The following P4HA1 variants were observed in gnomAD, a reference collection of about 807,000 sequenced individuals.
P4HA1 encodes the protein prolyl 4-hydroxylase subunit alpha 1.
P4HA1 carries 24 observed loss-of-function variants against 72.8 expected under a neutral mutation model. The ratio of observed to expected loss-of-function variants is 0.33; its 90% CI spans 0.24 to 0.46. The LOEUF (loss-of-function observed/expected upper bound fraction) is 0.46. P4HA1 is among the 20% of genes least tolerant of loss of function. P4HA1 has a pLI of 1.00. For missense variants in P4HA1, 446 were observed against 640.6 expected (o/e 0.70, Z 3.28); for synonymous variants, 201 against 218.8 (o/e 0.92, Z 0.72).
intron 1 of P4HA1, among the ~76,000 whole-genome samples, chr10:73,078,600 ATTTTTTTT>A (rs770821126): frequency 3.0e-5 from 3 of 99,630 alleles, no homozygotes; most frequent in African/African-American, 1.4e-4. Flanking sequence ...GCAGTAGGTA[ATTTTTTTT>A]TTTTTTTTTT....
At chr10:73,041,733 C>T (rs768574356) in intron 9 of P4HA1, among the ~76,000 whole-genome samples, 12 of 152,026 alleles carry the variant, frequency 7.9e-5, no homozygotes, top group Admixed American at 4.6e-4. Context: ...AGATCATATC[C>T]CCTTTGTTCA....
At chr10:73,056,780 G>C (rs1841156832) in intron 5 of P4HA1, among the ~76,000 whole-genome samples, 1 of 152,190 alleles carries the variant, frequency 6.6e-6, no homozygotes, top group Admixed American at 6.5e-5. Context: ...TGTAGATTAA[G>C]GCCGAGTGCG....
intron 10 of P4HA1, among the ~76,000 whole-genome samples, chr10:73,025,330 G>A (rs1367758019): frequency 6.6e-6 from 1 of 152,130 alleles, no homozygotes. Flanking sequence ...ATCAATAAAC[G>A]TAATCCATCA....
intron 9 of P4HA1, among the ~76,000 whole-genome samples, chr10:73,038,693 C>G (rs1366741668): frequency 1.1e-5 from 1 of 93,724 alleles, no homozygotes; most frequent in Non-Finnish European, 1.8e-5. Context: ...GTGGCGGGAT[C>G]TCGGCTCACT....
intron 1 of P4HA1, among the ~76,000 whole-genome samples, chr10:73,085,383 A>G (rs1036741534): frequency 3.4e-5 from 5 of 146,954 alleles, no homozygotes; most frequent in Non-Finnish European, 6.0e-5. Flanking sequence ...TTAGAACTCA[A>G]TAATTTTTTT....
chr10:73,014,297 TA>T lies in P4HA1; in HGVS notation c.1303-9del. On this transcript the variant is annotated splice_polypyrimidine_tract_variant and intron_variant, in intron 11 of 14. Transcript: ENST00000394890. ...AGCATCTGGCTCATCTTTCTGTGAATAAAAACACAGTAAATTCAATGGTGTA... is the reference window on the plus strand; with the variant it reads ...AGCATCTGGCTCATCTTTCTGTGAATAAAACACAGTAAATTCAATGGTGTA... 1.2e-6 allele frequency: 2 copies of T among 1,604,418 alleles called. No homozygotes were observed. The highest frequency in any genetic ancestry group is 1.7e-6 in the Non-Finnish European group (2 of 1,171,446).
At chr10:73,030,450 A>G (rs1178683936) in intron 9 of P4HA1, 80 bp from the exon 10 acceptor site, 1 of 606,356 alleles carries the variant, frequency 1.6e-6, no homozygotes, top group Non-Finnish European at 2.7e-6. Context: ...TAAAGCCATA[A>G]TATTTAATAT....
At chr10:73,068,518 C>T (rs1005640705) in intron 5 of P4HA1, among the ~76,000 whole-genome samples, 1 of 152,140 alleles carries the variant, frequency 6.6e-6, no homozygotes, top group African/African-American at 2.4e-5. Flanking sequence ...TATAGCTTTA[C>T]ATACAAAGCT....
chr10:73,047,939 A>C (rs189291044), intron 7 of P4HA1, among the ~76,000 whole-genome samples: 1 of 152,166 alleles, frequency 6.6e-6, no homozygotes, highest in Admixed American at 6.5e-5. Context: ...GTAGTCCCAC[A>C]TACTTGAGGG....
In P4HA1 at chr10:73,095,659, C is replaced by T. The variant is rs76047516; in HGVS notation, c.-33+1107G>A. On this transcript the variant is annotated intron_variant, in intron 1 of 14. Transcript: ENST00000394890. ...GCGAAAGTCCGAGAACCACTGCTCT[C>T]GGAGAAACCAGAAACAGTTAAGTGG... Among the ~76,000 whole-genome samples, 56 of 152,186 alleles carry T rather than the reference C, an allele frequency of 3.7e-4. No homozygotes were observed. The East Asian group carries it at 0.01, about 28-fold the overall frequency.
chr10:73,072,264 CTA>C, intron 3 of P4HA1, 84 bp from the exon 4 acceptor site: 1 of 1,160,314 alleles, frequency 8.6e-7, no homozygotes, highest in Non-Finnish European at 1.2e-6. Flanking sequence ...AAAAAAATGA[CTA>C]GAAGTTTTTG....
chr10:73,094,652 T>C (rs1420989298), intron 1 of P4HA1, among the ~76,000 whole-genome samples: 1 of 152,238 alleles, frequency 6.6e-6, no homozygotes, highest in African/African-American at 2.4e-5. Flanking sequence ...CAGCTCTTGC[T>C]GCATCTCTGG....
chr10:73,053,697 A>G (rs1841070970), intron 5 of P4HA1, 107 bp from the exon 6 acceptor site: 1 of 972,628 alleles, frequency 1.0e-6, no homozygotes, highest in Non-Finnish European at 1.5e-6. Context: ...TGAAGTTCAC[A>G]ATAATCCTCT....
chr10:73,088,341 G>C (rs1256641852), intron 1 of P4HA1, among the ~76,000 whole-genome samples: 3 of 152,192 alleles, frequency 2.0e-5, no homozygotes, highest in African/African-American at 7.2e-5. Flanking sequence ...AAGTCTGTAA[G>C]AAAGCCCAGG....
At chr10:73,036,940 T>C (rs1840588582) in intron 9 of P4HA1, among the ~76,000 whole-genome samples, 1 of 152,134 alleles carries the variant, frequency 6.6e-6, no homozygotes, top group South Asian at 2.1e-4. Context: ...CTGTGTTAGA[T>C]TAAATCATAA....
intron 9 of P4HA1, among the ~76,000 whole-genome samples, chr10:73,037,548 T>C (rs1840611584): frequency 3.5e-5 from 1 of 28,836 alleles, no homozygotes; most frequent in Non-Finnish European, 6.4e-5. Flanking sequence ...TATATATATA[T>C]ATATATATAT....
intron 6 of P4HA1, among the ~76,000 whole-genome samples, chr10:73,051,690 C>T (rs891564175): frequency 6.6e-6 from 1 of 151,980 alleles, no homozygotes; most frequent in Non-Finnish European, 1.5e-5. Flanking sequence ...ACCCGGGAGG[C>T]GGGGGTTGCA....
intron 10 of P4HA1, among the ~76,000 whole-genome samples, chr10:73,018,708 A>G (rs1221892832): frequency 1.3e-5 from 2 of 151,736 alleles, no homozygotes; most frequent in Admixed American, 6.6e-5. Flanking sequence ...CTCCTAATAG[A>G]GCCAAACCCT....
intron 9 of P4HA1, among the ~76,000 whole-genome samples, chr10:73,035,945 T>C (rs527270405): frequency 9.2e-5 from 14 of 152,130 alleles, no homozygotes; most frequent in Non-Finnish European, 8.8e-5. Context: ...TCCCAGCACT[T>C]TGGGAGACTG....
Sources: gnomAD v4.1 joint callset for allele counts (sites outside exome capture counted in the v4.1 genomes callset) on GRCh38, gnomAD v4.1.1 for gene constraint, MANE v1.5 for transcripts, NCBI Gene and HGNC (gene_info 2026-07-23, HGNC 2026-07-21) for gene names.